KCTD16: variants seen among roughly 807,000 people sequenced by gnomAD.
KCTD16 encodes potassium channel tetramerization domain containing 16, also known as BTB/POZ domain-containing protein KCTD16.
In KCTD16, 13 loss-of-function variants were observed where a neutral mutation model predicts 33.2. The observed-to-expected ratio is 0.39, with a 90% CI of 0.25 to 0.62. The LOEUF is 0.62. Ranked by LOEUF, KCTD16 falls within the 20% of genes least tolerant of loss-of-function variation. The probability of loss-of-function intolerance (pLI) is 0.50; values close to 1 mark genes in which losing one functional copy is unlikely to be tolerated. For missense variants in KCTD16, 441 were observed against 525.1 expected (o/e 0.84, Z 1.57); for synonymous variants, 197 against 195.3 (o/e 1.01, Z -0.07).
At chr5:144,301,963 C>G (rs972007457) in intron 3 of KCTD16, among the ~76,000 whole-genome samples, 1 of 152,188 alleles carries the variant, frequency 6.6e-6, no homozygotes, top group Non-Finnish European at 1.5e-5. Context: ...GTGGCAGTCA[C>G]TCTTCTAAAT....
chr5:144,358,137 T>C (rs1751615199), intron 3 of KCTD16, among the ~76,000 whole-genome samples: 1 of 148,080 alleles, frequency 6.8e-6, no homozygotes, highest in Non-Finnish European at 1.5e-5. Context: ...TCTCACTGTG[T>C]TGTTCAGCCT....
At chr5:144,387,332 G>A (rs1446032637) in intron 3 of KCTD16, among the ~76,000 whole-genome samples, 1 of 151,846 alleles carries the variant, frequency 6.6e-6, no homozygotes, top group Non-Finnish European at 1.5e-5. Flanking sequence ...CATGGTGGTG[G>A]TATTTTTGTT....
intron 3 of KCTD16, among the ~76,000 whole-genome samples, chr5:144,217,909 C>T (rs1753614800): frequency 6.6e-6 from 1 of 151,638 alleles, no homozygotes; most frequent in Admixed American, 6.6e-5. Flanking sequence ...ATCCTTTTGA[C>T]AGAGTGACCT....
chr5:144,382,665 A>G (rs73303971), intron 3 of KCTD16, among the ~76,000 whole-genome samples: 6,883 of 152,298 alleles, frequency 0.045, 301 homozygotes, highest in African/African-American at 0.11. Context: ...CATGCCTGAC[A>G]TGTAGTAGAT....
intron 3 of KCTD16, among the ~76,000 whole-genome samples, chr5:144,222,587 A>G (rs974173636): frequency 2.0e-5 from 3 of 152,176 alleles, no homozygotes; most frequent in Admixed American, 2.0e-4. Context: ...CAAAACCACA[A>G]TGAGATACCA....
At chr5:144,282,504 A>G (rs775954721) in intron 3 of KCTD16, among the ~76,000 whole-genome samples, 42 of 152,158 alleles carry the variant, frequency 2.8e-4, no homozygotes, top group Admixed American at 2.5e-3. Context: ...GGGCTGTGAC[A>G]ATGTTGATTA....
intron 3 of KCTD16, among the ~76,000 whole-genome samples, chr5:144,345,636 T>G (rs1450721960): frequency 6.6e-6 from 1 of 152,136 alleles, no homozygotes; most frequent in Admixed American, 6.6e-5. Context: ...GTGAACAAGA[T>G]AGGTAAGAGT....
chr5:144,236,336 A>G (rs1436959168), intron 3 of KCTD16, among the ~76,000 whole-genome samples: 1 of 152,090 alleles, frequency 6.6e-6, no homozygotes, highest in African/African-American at 2.4e-5. Context: ...TTGGCCTGAT[A>G]AGTTGGGGTC....
chr5:144,312,967 G>A (rs1450125790), intron 3 of KCTD16, among the ~76,000 whole-genome samples: 1 of 152,168 alleles, frequency 6.6e-6, no homozygotes, highest in African/African-American at 2.4e-5. Context: ...TCCGCTAATC[G>A]CCTTGAGTTG....
At chr5:144,393,471 C>G (rs1428554128) in intron 3 of KCTD16, among the ~76,000 whole-genome samples, 1 of 152,104 alleles carries the variant, frequency 6.6e-6, no homozygotes, top group Non-Finnish European at 1.5e-5. Context: ...CTGTGTCATA[C>G]TACTCAACCC....
chr5:144,361,906 TTGTGTGTGTGTGTGTG>T (rs3996310), intron 3 of KCTD16, among the ~76,000 whole-genome samples: 36 of 143,990 alleles, frequency 2.5e-4, no homozygotes, highest in East Asian at 1.0e-3. Flanking sequence ...TGGTGTTATT[TTGTGTGTGTGTGTGTG>T]TGTGTGTGTG....
intron 3 of KCTD16, among the ~76,000 whole-genome samples, chr5:144,246,770 C>T (rs918334436): frequency 1.4e-4 from 21 of 152,136 alleles, no homozygotes; most frequent in Non-Finnish European, 2.4e-4. Context: ...TCATTGTCAT[C>T]GTCCTTGTCA....
intron 3 of KCTD16, among the ~76,000 whole-genome samples, chr5:144,466,329 G>A (rs1754332155): frequency 1.3e-5 from 2 of 151,418 alleles, no homozygotes; most frequent in South Asian, 4.2e-4. Context: ...CTAAATAATG[G>A]TGGAAGGATA....
chr5:144,383,025 A>C (rs561325195), intron 3 of KCTD16: 1 of 152,206 alleles, frequency 6.6e-6, no homozygotes, highest in Non-Finnish European at 1.5e-5. Flanking sequence ...TAGTTTTGGC[A>C]CTTAACTTCT....
At chr5:144,321,445 C>G (rs556491599) in intron 3 of KCTD16, among the ~76,000 whole-genome samples, 2 of 152,132 alleles carry the variant, frequency 1.3e-5, no homozygotes, top group Admixed American at 6.6e-5. Flanking sequence ...TCAATCCCTT[C>G]GTAGTACATA....
At chr5:144,346,377 G>A (rs538879440) in intron 3 of KCTD16, among the ~76,000 whole-genome samples, 12 of 152,300 alleles carry the variant, frequency 7.9e-5, no homozygotes, top group African/African-American at 2.9e-4. Flanking sequence ...ATACCCAGCA[G>A]TATGATTGCT....
At chr5:144,442,518 T>C (rs1170449614) in intron 3 of KCTD16, among the ~76,000 whole-genome samples, 2 of 151,342 alleles carry the variant, frequency 1.3e-5, no homozygotes, top group African/African-American at 4.9e-5. Context: ...TTTCTTTCCC[T>C]CCTTCCCTCC....
intron 3 of KCTD16, among the ~76,000 whole-genome samples, chr5:144,242,229 T>G (rs1754423045): frequency 6.6e-6 from 1 of 152,130 alleles, no homozygotes; most frequent in Non-Finnish European, 1.5e-5. Context: ...CTAGGGGCCA[T>G]GTACTGACAT....
intron 3 of KCTD16, among the ~76,000 whole-genome samples, chr5:144,271,805 A>C (rs2126847415): frequency 7.0e-6 from 1 of 143,072 alleles, no homozygotes; most frequent in South Asian, 2.1e-4. Flanking sequence ...AGAATTAATA[A>C]ATGAACTTAG....
Sources: allele counts gnomAD v4.1 joint callset (sites outside exome capture counted in the v4.1 genomes callset), GRCh38; gene constraint gnomAD v4.1.1; transcripts MANE v1.5; gene names NCBI Gene and HGNC (gene_info 2026-07-23, HGNC 2026-07-21).